DAB1: variants seen among roughly 807,000 people sequenced by gnomAD.
The protein encoded by DAB1 is disabled homolog 1.
In DAB1, 15 loss-of-function variants were observed where a neutral mutation model predicts 64.6. The ratio of observed to expected loss-of-function variants is 0.23; its 90% CI spans 0.16 to 0.36. The LOEUF (loss-of-function observed/expected upper bound fraction) is 0.36, where lower values mean the gene tolerates loss of function less well. Ranked by LOEUF, DAB1 falls within the 10% of genes least tolerant of loss-of-function variation. The pLI is 1.00. For missense variants in DAB1, 596 were observed against 706.7 expected (o/e 0.84, Z 1.78); for synonymous variants, 235 against 251.9 (o/e 0.93, Z 0.64).
intron 3 of DAB1, among the ~76,000 whole-genome samples, chr1:58,493,200 T>C (rs1430105556): frequency 3.3e-5 from 5 of 151,928 alleles, no homozygotes; most frequent in African/African-American, 1.2e-4. Context: ...GAAAAGGCCT[T>C]TGACAAAATT....
intron 3 of DAB1, among the ~76,000 whole-genome samples, chr1:58,392,164 G>A (rs1054037807): frequency 5.9e-5 from 9 of 152,270 alleles, no homozygotes; most frequent in East Asian, 5.8e-4. Flanking sequence ...AGAGCTAAGC[G>A]CAGAGTTGAG....
intron 7 of DAB1, among the ~76,000 whole-genome samples, chr1:57,567,491 C>G (rs1360952236): frequency 6.6e-6 from 1 of 152,174 alleles, no homozygotes; most frequent in African/African-American, 2.4e-5. Context: ...CAAATTGTCC[C>G]TGCTTGCAGA....
intron 1 of DAB1, chr1:58,534,314 T>C (rs141301568): frequency 2.8e-4 from 243 of 853,478 alleles, no homozygotes; most frequent in Non-Finnish European, 4.7e-4. Context: ...GCATATCATT[T>C]TTAAATTCTT....
intron 1 of DAB1, among the ~76,000 whole-genome samples, chr1:57,322,654 C>T (rs1675815781): frequency 6.6e-6 from 1 of 152,174 alleles, no homozygotes; most frequent in Non-Finnish European, 1.5e-5. Flanking sequence ...TTTCCATTCA[C>T]TTTTATGAAA....
intron 4 of DAB1, among the ~76,000 whole-genome samples, chr1:58,218,131 G>A (rs145936433): frequency 6.6e-6 from 1 of 152,240 alleles, no homozygotes; most frequent in East Asian, 1.9e-4. Context: ...TGGGTGAGCT[G>A]GTCTCCAGTC....
intron 9 of DAB1, among the ~76,000 whole-genome samples, chr1:57,049,450 CAAAAAAAAAAA>C (rs574438911): frequency 1.2e-4 from 3 of 24,584 alleles, no homozygotes; most frequent in Non-Finnish European, 2.2e-4. Flanking sequence ...GACTCCGTCT[CAAAAAAAAAAA>C]AAAAAAAAAA....
At chr1:58,366,883 C>T (rs1644222754) in intron 3 of DAB1, among the ~76,000 whole-genome samples, 1 of 152,186 alleles carries the variant, frequency 6.6e-6, no homozygotes, top group South Asian at 2.1e-4. Flanking sequence ...GGAACCAAAA[C>T]TAAGATAATA....
chr1:58,384,156 T>A (rs1434791831), intron 3 of DAB1, among the ~76,000 whole-genome samples: 1 of 152,170 alleles, frequency 6.6e-6, no homozygotes, highest in African/African-American at 2.4e-5. Context: ...TTGAACAACT[T>A]GGTACAAACC....
chr1:57,087,539 G>C (rs1653210015), intron 4 of DAB1, among the ~76,000 whole-genome samples: 1 of 152,208 alleles, frequency 6.6e-6, no homozygotes, highest in Non-Finnish European at 1.5e-5. Context: ...GTGTTTGTCT[G>C]AGGTCATCTG....
intron 2 of DAB1, among the ~76,000 whole-genome samples, chr1:57,223,027 C>G (rs1557971170): frequency 3.3e-5 from 5 of 152,156 alleles, no homozygotes; most frequent in Admixed American, 3.3e-4. Flanking sequence ...TGCAGAGTTC[C>G]TTCCAGCAGG....
intron 6 of DAB1, chr1:57,649,733 C>G (rs1646234478): frequency 6.6e-6 from 1 of 152,180 alleles, no homozygotes; most frequent in African/African-American, 2.4e-5. Flanking sequence ...TGTTTTTCTT[C>G]TCTCTCAGTA....
In DAB1 at chr1:56,997,773, G is replaced by C. The variant is rs769219310; in HGVS notation, c.*371C>G. 6.6e-6 allele frequency: 1 copy of C among 152,172 alleles called. No homozygotes were observed. The highest frequency in any genetic ancestry group is 1.5e-5 in the Non-Finnish European group (1 of 68,030). The allele number at this position is 152,172 out of a possible 1,614,324, so 9.4% of individuals were successfully genotyped here. ...GTCTCAACAGTGGTCAACAGGTAGA[G>C]AAATAAAAAGGGAATTAATAATTTT... On this transcript the variant is annotated 3_prime_UTR_variant, in exon 15 of 15. Transcript: ENST00000371236.
intron 6 of DAB1, among the ~76,000 whole-genome samples, chr1:57,787,557 ACTT>A (rs1050697200): frequency 3.3e-5 from 5 of 152,142 alleles, no homozygotes; most frequent in African/African-American, 1.2e-4. Context: ...AGATTATAAA[ACTT>A]CTAGAAAGAA....
chr1:57,542,189 CT>C (rs1218005753), intron 7 of DAB1, among the ~76,000 whole-genome samples: 1 of 152,092 alleles, frequency 6.6e-6, no homozygotes, highest in African/African-American at 2.4e-5. Flanking sequence ...AAATGTTACA[CT>C]TTTATTCATA....
chr1:57,560,538 C>T (rs1645038243), intron 7 of DAB1, among the ~76,000 whole-genome samples: 1 of 152,174 alleles, frequency 6.6e-6, no homozygotes, highest in African/African-American at 2.4e-5. Context: ...AGGCATAACA[C>T]CTAGTGGGTC....
chr1:57,665,975 A>C (rs902038415), intron 6 of DAB1, among the ~76,000 whole-genome samples: 2 of 152,076 alleles, frequency 1.3e-5, no homozygotes, highest in African/African-American at 4.8e-5. Context: ...AAATAAAAAT[A>C]GACAACTTTT....
At chr1:57,010,871 G>A (rs1413404120) in intron 13 of DAB1, 81 bp from the exon 14 acceptor site, 3 of 1,085,254 alleles carry the variant, frequency 2.8e-6, no homozygotes, top group Non-Finnish European at 4.0e-6. Context: ...ATACTTTCAT[G>A]CAGCACAATC....
intron 5 of DAB1, among the ~76,000 whole-genome samples, chr1:58,113,921 C>A (rs752437407): frequency 1.3e-5 from 2 of 151,812 alleles, no homozygotes; most frequent in Non-Finnish European, 1.5e-5. Flanking sequence ...AGGTGCCCCC[C>A]CAAAGTGAGA....
intron 4 of DAB1, among the ~76,000 whole-genome samples, chr1:58,246,073 T>G (rs1025442804): frequency 6.6e-6 from 1 of 152,174 alleles, no homozygotes; most frequent in African/African-American, 2.4e-5. Flanking sequence ...ACTTTTTATT[T>G]TATACACTTC....
Sources: allele counts gnomAD v4.1 joint callset (sites outside exome capture counted in the v4.1 genomes callset), GRCh38; gene constraint gnomAD v4.1.1; transcripts MANE v1.5; gene names NCBI Gene and HGNC (gene_info 2026-07-23, HGNC 2026-07-21).